Variants in CYFIP1 observed in about 807,000 individuals in gnomAD.
CYFIP1 encodes cytoplasmic FMR1 interacting protein 1, also known as cytoplasmic FMR1-interacting protein 1.
A neutral mutation model predicts 163.5 loss-of-function variants in CYFIP1; 58 were observed. The observed-to-expected ratio is 0.35, with a 90% CI of 0.29 to 0.44. CYFIP1 has a LOEUF of 0.44. CYFIP1 is among the 20% of genes least tolerant of loss of function. The probability of loss-of-function intolerance (pLI) is 1.00; values close to 1 mark genes in which losing one functional copy is unlikely to be tolerated. For missense variants in CYFIP1, 1,338 were observed against 1,653.8 expected (o/e 0.81, Z 3.31); for synonymous variants, 663 against 660.7 (o/e 1.00, Z -0.05).
rs763338947 is a variant in CYFIP1 at position 22,916,490 on chromosome 15, C to T, written c.1815G>A (p.Leu605=). The change falls in exon 16 of 31, where the codon TTG becomes TTA. Residue 605 remains leucine (L), a synonymous_variant. Transcript: ENST00000617928. ...FHRESFFYTH[L]INFSETLQQC... The stretch of plus-strand genomic sequence containing the variant: ...AGTATCTCTTACCACTGAAATTTAT[C>T]AAGTGAGTGTAGAAGAATGACTCTC... 6.2e-7 allele frequency: 1 copy of T among 1,610,196 alleles called. No homozygotes were observed. The highest frequency in any genetic ancestry group is 8.5e-7 in the Non-Finnish European group (1 of 1,176,790).
intron 23 of CYFIP1, among the ~76,000 whole-genome samples, chr15:22,885,380 G>A (rs969956879): frequency 6.6e-6 from 1 of 152,108 alleles, no homozygotes; most frequent in South Asian, 2.1e-4. Context: ...AATTCCATCT[G>A]AGACCACCTT....
chr15:22,956,592 G>C (rs1360965749), intron 1 of CYFIP1, among the ~76,000 whole-genome samples: 1 of 152,112 alleles, frequency 6.6e-6, no homozygotes, highest in African/African-American at 2.4e-5. Flanking sequence ...CAAAACAAAG[G>C]AGTCAAACAA....
Position 22,867,489 on chromosome 15 carries a change from C to T in CYFIP1, c.*2539G>A, listed in dbSNP as rs910372729. The T allele has an allele frequency of 2.9e-5, 9 of 305,440 alleles. No individual in the cohort carries two copies. Among genetic ancestry groups the T allele is most frequent in the Middle Eastern group, 8.6e-4 (1 of 1,162 alleles). The allele number at this position is 305,440 out of a possible 1,614,324, so 18.9% of individuals were successfully genotyped here. On this transcript the variant is annotated 3_prime_UTR_variant, in exon 31 of 31. Transcript: ENST00000617928. ...TGAGCATTCGATGGCCTTAGCACCT[C>T]ATCAAGCCAGCACATCCTGCCTGCT... is the stretch of plus-strand genomic sequence containing the variant.
intron 28 of CYFIP1, among the ~76,000 whole-genome samples, chr15:22,874,113 C>T (rs117651338): frequency 0.022 from 3,358 of 152,266 alleles, 48 homozygotes; most frequent in African/African-American, 0.028. Context: ...AACCATCCTA[C>T]GATGCACAGG....
Position 22,917,135 on chromosome 15 carries a change from GTGGCTGGCA to G in CYFIP1, c.1675-514_1675-506del. On this transcript the variant is annotated intron_variant, in intron 15 of 30. Transcript: ENST00000617928. The surrounding 1 kb of genome is among the most constrained non-coding windows in gnomAD (Gnocchi z 4.2). Reference sequence around the variant, plus strand: ...ACGCACGCAGAGGGAGGCAGGGAGGGTGGCTGGCACCACGCACAGGCCGAGGGCCGTCCC... The same window carrying G: ...ACGCACGCAGAGGGAGGCAGGGAGGGCCACGCACAGGCCGAGGGCCGTCCC... 1 of 1,444,734 alleles carries G rather than the reference GTGGCTGGCA, an allele frequency of 6.9e-7. No homozygotes were observed. The highest frequency in any genetic ancestry group is 2.5e-5 in the East Asian group (1 of 40,200). 89.5% of individuals were successfully genotyped at this position (1,444,734 alleles called of 1,614,324 possible). A position where few individuals can be genotyped will look rare whatever the true frequency, so the allele number is the denominator to read the frequency against.
chr15:22,915,130 CTT>C (rs397783359), intron 16 of CYFIP1: 1,674 of 294,154 alleles, frequency 5.7e-3, no homozygotes, highest in Non-Finnish European at 7.0e-3. Context: ...GGGAAAGTGT[CTT>C]TTTTTTTTTT....
chr15:22,980,022 C>T (rs927087482), intron 1 of CYFIP1, among the ~76,000 whole-genome samples: 40 of 151,768 alleles, frequency 2.6e-4, no homozygotes, highest in African/African-American at 9.7e-4. Flanking sequence ...GCCGAAAGGC[C>T]GGGGGCGCAG....
At chr15:22,939,051 G>T in intron 8 of CYFIP1, 141 bp downstream of exon 8, 1 of 1,004,056 alleles carries the variant, frequency 1.0e-6, no homozygotes, top group Non-Finnish European at 1.5e-6. Context: ...CAGGCTGTGT[G>T]CAAGGGCAGG....
intron 22 of CYFIP1, among the ~76,000 whole-genome samples, chr15:22,897,266 A>T (rs2060265929): frequency 6.6e-6 from 1 of 152,024 alleles, no homozygotes; most frequent in African/African-American, 2.4e-5. Flanking sequence ...TAAAATGAGA[A>T]GGTCTAACTA....
chr15:22,939,102 G>C, intron 8 of CYFIP1, 90 bp downstream of exon 8: 1 of 1,526,414 alleles, frequency 6.6e-7, no homozygotes, highest in African/African-American at 1.4e-5. Context: ...AGACACAGCT[G>C]TCAAAAGGAT....
intron 22 of CYFIP1, among the ~76,000 whole-genome samples, chr15:22,896,141 G>C (rs2060229376): frequency 6.6e-6 from 1 of 152,102 alleles, no homozygotes; most frequent in African/African-American, 2.4e-5. Context: ...GTCTTGTGGA[G>C]GACTGTGCCC....
intron 16 of CYFIP1, 156 bp from the exon 17 acceptor site, chr15:22,915,038 T>C: frequency 1.5e-6 from 1 of 658,354 alleles, no homozygotes; most frequent in Non-Finnish European, 2.4e-6. Context: ...ACCGGGGCCT[T>C]GCACTAGGGA....
chr15:22,907,164 G>C (rs180932219), intron 21 of CYFIP1, among the ~76,000 whole-genome samples: 1 of 152,332 alleles, frequency 6.6e-6, no homozygotes, highest in East Asian at 1.9e-4. Flanking sequence ...CAATTCCAGA[G>C]TCAGCAGGGC....
At chr15:22,928,392 TAAA>T (rs1471138602) in intron 11 of CYFIP1, among the ~76,000 whole-genome samples, 71 of 5,628 alleles carry the variant, frequency 0.013, no homozygotes, top group African/African-American at 0.073. Flanking sequence ...CAAAAAATAA[TAAA>T]TAAATAAATA....
At chr15:22,901,258 T>C (rs1346628974) in intron 22 of CYFIP1, among the ~76,000 whole-genome samples, 1 of 151,242 alleles carries the variant, frequency 6.6e-6, no homozygotes, top group African/African-American at 2.4e-5. Flanking sequence ...ACCACCAGTG[T>C]GAAGATAACT....
chr15:22,925,958 G>A lies in CYFIP1; in HGVS notation c.1359+24C>T, dbSNP rs2061343803. ...TGTGAAGCTAGAGCGACATGAGGAA[G>A]AGCGAGCGGCCGAGCATCCTCACCT... On this transcript the variant is annotated intron_variant, in intron 13 of 30. Coordinates refer to ENST00000617928, the MANE Select transcript of CYFIP1 (RefSeq NM_014608.6). The A allele has an allele frequency of 3.7e-6, 6 of 1,609,806 alleles. No homozygotes were observed. The Admixed American group carries it at 5.0e-5, about 13-fold the overall frequency.
chr15:22,973,335 A>AG (rs2063162752), intron 1 of CYFIP1, among the ~76,000 whole-genome samples: 1 of 144,146 alleles, frequency 6.9e-6, no homozygotes, highest in African/African-American at 2.6e-5. Context: ...AAAAAAAAAA[A>AG]GGGAGAAGAA....
chr15:22,908,856 G>A (rs192402988), intron 21 of CYFIP1, among the ~76,000 whole-genome samples: 34 of 152,210 alleles, frequency 2.2e-4, no homozygotes, highest in African/African-American at 6.3e-4. Context: ...CTCCTAGCTC[G>A]TTCATACTAA....
chr15:22,880,486 C>T (rs563057427), intron 25 of CYFIP1, among the ~76,000 whole-genome samples: 3 of 152,196 alleles, frequency 2.0e-5, no homozygotes, highest in Admixed American at 6.5e-5. Context: ...AACGGGAGGC[C>T]GCACACCAGG....
Sources: gnomAD v4.1 joint callset for allele counts (sites outside exome capture counted in the v4.1 genomes callset) on GRCh38, gnomAD v4.1.1 for gene constraint, Gnocchi (gnomAD v3.1) non-coding constraint, MANE v1.5 for transcripts, NCBI Gene and HGNC (gene_info 2026-07-23, HGNC 2026-07-21) for gene names.